DECR1: variants seen among roughly 807,000 people sequenced by gnomAD.
DECR1 encodes 2,4-dienoyl-CoA reductase 1.
In DECR1, 44 loss-of-function variants were observed where a neutral mutation model predicts 38.8. That is an observed-to-expected ratio of 1.13 (90% confidence interval 0.89 to 1.46). DECR1 has a LOEUF of 1.46. Ranked by LOEUF, DECR1 falls within the 40% of genes most tolerant of loss-of-function variation. The pLI, the probability that DECR1 is intolerant of heterozygous loss-of-function variation, is 0.00. For synonymous variants in DECR1, 148 were observed against 135.2 expected (o/e 1.09, Z -0.66); for missense variants, 428 against 405.5 (o/e 1.06, Z -0.48).
chr8:90,012,253 A>G (rs1812904279), intron 1 of DECR1, among the ~76,000 whole-genome samples: 1 of 151,808 alleles, frequency 6.6e-6, no homozygotes, highest in African/African-American at 2.4e-5. Flanking sequence ...TCTGGGTTCA[A>G]GAAATTCTCC....
Position 90,017,204 on chromosome 8 carries a change from G to T in DECR1, c.150G>T (p.Ala50=). The change falls in exon 2 of 10, where the codon GCG becomes GCT. Residue 50 remains alanine, a synonymous_variant. Coordinates refer to ENST00000220764, the MANE Select transcript of DECR1 (RefSeq NM_001359.2). ...QSKFFSPLQK[A]MLPPNSFQGK... ...AATTCTTTTCACCTCTTCAAAAAGC[G>T]ATGCTACCACCTAATAGTTTTCAAG... The T allele has an allele frequency of 6.2e-7, 1 of 1,614,070 alleles. No homozygotes were observed. Among genetic ancestry groups the T allele is most frequent in the Non-Finnish European group, 8.5e-7 (1 of 1,179,984 alleles).
chr8:90,010,538 AAG>A (rs1438687633), intron 1 of DECR1, among the ~76,000 whole-genome samples: 1 of 152,234 alleles, frequency 6.6e-6, no homozygotes, highest in Non-Finnish European at 1.5e-5. Context: ...GGGAGTACAT[AAG>A]GTGTTTTGGG....
At chr8:90,039,978 A>G (rs1813714715) in intron 6 of DECR1, among the ~76,000 whole-genome samples, 1 of 152,226 alleles carries the variant, frequency 6.6e-6, no homozygotes. Flanking sequence ...AGATAACTGT[A>G]TGAGGTGGAT....
chr8:90,010,975 A>G (rs997845854), intron 1 of DECR1, among the ~76,000 whole-genome samples: 1 of 152,210 alleles, frequency 6.6e-6, no homozygotes, highest in African/African-American at 2.4e-5. Flanking sequence ...CATGTTGAAC[A>G]TTCAAGCAAT....
rs758913168 is a variant in DECR1 at position 90,019,197 on chromosome 8, A to C, written c.417+25A>C. 2.2e-5 allele frequency: 34 copies of C among 1,580,108 alleles called. No homozygotes were observed. The South Asian group carries it at 3.5e-4, about 16-fold the overall frequency. The stretch of plus-strand genomic sequence containing the variant: ...TGTAAGTGTAGCAATGATGAAGCCA[A>C]AGTGCAAGACACTTGATGTTGATAA... On this transcript the variant is annotated intron_variant, in intron 4 of 9. Coordinates refer to ENST00000220764, the MANE Select transcript of DECR1 (RefSeq NM_001359.2).
intron 5 of DECR1, among the ~76,000 whole-genome samples, chr8:90,025,954 G>A (rs2130084197): frequency 6.6e-6 from 1 of 152,222 alleles, no homozygotes; most frequent in East Asian, 1.9e-4. Flanking sequence ...TTTGTCGAAG[G>A]CCTTTTCTGC....
intron 6 of DECR1, 122 bp from the exon 7 acceptor site, chr8:90,042,605 AG>A (rs964428882): frequency 3.9e-6 from 3 of 775,872 alleles, no homozygotes; most frequent in African/African-American, 3.4e-5. Context: ...GAACAATAAT[AG>A]TACCTACCTG....
chr8:90,017,958 C>T (rs975295074), intron 2 of DECR1, among the ~76,000 whole-genome samples: 2 of 152,218 alleles, frequency 1.3e-5, no homozygotes, highest in Non-Finnish European at 2.9e-5. Context: ...ATGATCTCAG[C>T]TCACTGCAAC....
chr8:90,028,025 A>G (rs962538591), intron 5 of DECR1, among the ~76,000 whole-genome samples: 4 of 151,998 alleles, frequency 2.6e-5, no homozygotes, highest in African/African-American at 9.7e-5. Context: ...GTTACTTTTC[A>G]TTGAGCTTCT....
intron 1 of DECR1, among the ~76,000 whole-genome samples, chr8:90,004,033 A>G (rs1326010080): frequency 6.6e-6 from 1 of 152,150 alleles, no homozygotes; most frequent in Non-Finnish European, 1.5e-5. Flanking sequence ...AAAAAAATTT[A>G]CCATTCTTCC....
At chr8:90,048,477 C>G (rs1813972920) in intron 8 of DECR1, among the ~76,000 whole-genome samples, 1 of 152,094 alleles carries the variant, frequency 6.6e-6, no homozygotes, top group African/African-American at 2.4e-5. Flanking sequence ...TCTCCCAAGA[C>G]TAAACCTGGA....
At chr8:90,011,624 T>C (rs1463542369) in intron 1 of DECR1, among the ~76,000 whole-genome samples, 2 of 152,196 alleles carry the variant, frequency 1.3e-5, no homozygotes, top group Non-Finnish European at 2.9e-5. Context: ...AATTTCTTAA[T>C]GATGTTTCAT....
intron 1 of DECR1, chr8:90,005,232 GA>G (rs1812710438): frequency 2.3e-6 from 1 of 426,302 alleles, no homozygotes; most frequent in African/African-American, 2.1e-5. Flanking sequence ...GTTGCTGGGG[GA>G]CAGGGTATGG....
At position 90,053,561 on chromosome 8, in the gene DECR1, A is replaced by T. The variant is rs1455645696; in HGVS notation, c.*1664A>T. Among the ~76,000 whole-genome samples, 2 of 152,138 alleles carry T rather than the reference A, an allele frequency of 1.3e-5. No individual in the cohort carries two copies. Among genetic ancestry groups the T allele is most frequent in the African/African-American group, 4.8e-5 (2 of 41,418 alleles). ...CTCCACTGATTCCACCAGTATAGCC[A>T]TATTTCTCTTTCTGGTTAAATTTAT... On this transcript the variant is annotated 3_prime_UTR_variant, in exon 10 of 10. Transcript: ENST00000220764.
At chr8:90,051,762 G>A (rs1356233450) in intron 9 of DECR1, 23 bp downstream of exon 9, 1 of 1,612,778 alleles carries the variant, frequency 6.2e-7, no homozygotes, top group South Asian at 1.1e-5. Context: ...TGTGTATAAT[G>A]TAATATCAGC....
chr8:90,044,007 A>G (rs1336579480), intron 7 of DECR1, among the ~76,000 whole-genome samples: 1 of 152,230 alleles, frequency 6.6e-6, no homozygotes, highest in Non-Finnish European at 1.5e-5. Flanking sequence ...CTTGCCACTA[A>G]GGAGTTTACA....
chr8:90,019,747 C>A (rs1813104520), intron 4 of DECR1, among the ~76,000 whole-genome samples: 2 of 152,174 alleles, frequency 1.3e-5, no homozygotes, highest in South Asian at 2.1e-4. Flanking sequence ...TCAATATGAG[C>A]AAGTGCTGTG....
chr8:90,048,516 A>G (rs1191112237), intron 8 of DECR1, among the ~76,000 whole-genome samples: 1 of 152,140 alleles, frequency 6.6e-6, no homozygotes, highest in African/African-American at 2.4e-5. Context: ...TACACCAATA[A>G]CACACTCTGA....
intron 5 of DECR1, among the ~76,000 whole-genome samples, chr8:90,024,086 A>G (rs887087978): frequency 2.0e-5 from 3 of 152,194 alleles, no homozygotes; most frequent in Non-Finnish European, 4.4e-5. Flanking sequence ...CATGGTGTAT[A>G]TGTGCCACAT....
Sources: allele counts gnomAD v4.1 joint callset (sites outside exome capture counted in the v4.1 genomes callset), GRCh38; gene constraint gnomAD v4.1.1; transcripts MANE v1.5; gene names NCBI Gene and HGNC (gene_info 2026-07-23, HGNC 2026-07-21).